GPC3: variants seen among roughly 807,000 people sequenced by gnomAD.
The protein encoded by GPC3 is glypican 3, also known as glypican-3.
Under a neutral mutation model 34.4 loss-of-function variants are expected in GPC3, and 3 were observed. The ratio of observed to expected loss-of-function variants is 0.09; its 90% CI spans 0.04 to 0.23. GPC3 has a LOEUF of 0.23. Ranked by LOEUF, GPC3 falls within the 10% of genes least tolerant of loss-of-function variation. The pLI is 1.00. For synonymous variants in GPC3, 177 were observed against 174.0 expected (o/e 1.02, Z -0.13); for missense variants, 351 against 445.6 (o/e 0.79, Z 1.91).
chrX:133,574,716 T>C (rs2069662391), intron 7 of GPC3, among the ~76,000 whole-genome samples: 1 of 112,519 alleles, frequency 8.9e-6, no homozygotes, highest in East Asian at 2.8e-4. Context: ...TCTGTTTATA[T>C]TTTTACAAAA....
At chrX:133,646,592 T>C (rs902214271) in intron 6 of GPC3, among the ~76,000 whole-genome samples, 2 of 112,000 alleles carry the variant, frequency 1.8e-5, no homozygotes, top group African/African-American at 6.5e-5. Context: ...AATACGCACA[T>C]GAATTGCTGT....
rs146779597 is a variant in GPC3 at position 133,968,954 on chromosome X, T to C, written c.176-15743A>G. On this transcript the variant is annotated intron_variant, in intron 1 of 7. Transcript: ENST00000370818. ...AATATAACAAGGCTATTAAAAACCC[T>C]AAATTAAATTTGTATAATGAGCATG... Among the ~76,000 whole-genome samples the C allele has an allele frequency of 1.4e-3, 154 of 111,096 alleles. 1 individual carries two copies. Among genetic ancestry groups the C allele is most frequent in the African/African-American group, 4.9e-3 (149 of 30,576 alleles).
chrX:133,681,516 C>A (rs1471082364), intron 5 of GPC3, among the ~76,000 whole-genome samples: 3 of 112,191 alleles, frequency 2.7e-5, no homozygotes, highest in African/African-American at 9.7e-5. Context: ...AGCTAAATTT[C>A]TTTCAAAGAA....
chrX:133,627,193 T>C (rs747387937), intron 6 of GPC3, among the ~76,000 whole-genome samples: 4 of 97,180 alleles, frequency 4.1e-5, no homozygotes, highest in South Asian at 1.3e-3. Flanking sequence ...AGGGATAGCA[T>C]TAGGAGATAT....
intron 2 of GPC3, among the ~76,000 whole-genome samples, chrX:133,778,147 T>C (rs1177753025): frequency 1.8e-5 from 2 of 112,032 alleles, no homozygotes; most frequent in Non-Finnish European, 3.8e-5. Flanking sequence ...GATTTATTAT[T>C]TCCCCCCCAA....
At chrX:133,763,497 A>G (rs1480059275) in intron 2 of GPC3, 7 of 546,598 alleles carry the variant, frequency 1.3e-5, no homozygotes, top group Non-Finnish European at 2.0e-5. Context: ...GGACTGCTCC[A>G]GCTCCTGAGT....
Position 133,784,809 on chromosome X carries a change from C to T in GPC3, c.338-30633G>A, listed in dbSNP as rs555769084. ...GTGCAACCATCACCACCATCTGATT[C>T]CAGAACATTTTCATCACTTCCAAAA... is the stretch of plus-strand genomic sequence containing the variant. On this transcript the variant is annotated intron_variant, in intron 2 of 7. Coordinates refer to ENST00000370818, the MANE Select transcript of GPC3 (RefSeq NM_004484.4). 7.2e-4 allele frequency among the ~76,000 whole-genome samples: 81 copies of T among 112,152 alleles called. 1 individual carries two copies. The South Asian group carries it at 0.03, about 41-fold the overall frequency.
At chrX:133,824,477 T>C in intron 2 of GPC3, among the ~76,000 whole-genome samples, 1 of 111,036 alleles carries the variant, frequency 9.0e-6, no homozygotes, top group Middle Eastern at 4.7e-3. Flanking sequence ...AATCAACAGG[T>C]ATAAAGTTAT....
At chrX:133,890,331 T>G (rs1214801356) in intron 2 of GPC3, among the ~76,000 whole-genome samples, 1 of 111,718 alleles carries the variant, frequency 9.0e-6, no homozygotes, top group African/African-American at 3.3e-5. Context: ...ATCCATTCTT[T>G]ATATATCATC....
At chrX:133,921,086 G>C (rs1017686691) in intron 2 of GPC3, among the ~76,000 whole-genome samples, 1 of 112,138 alleles carries the variant, frequency 8.9e-6, no homozygotes, top group Non-Finnish European at 1.9e-5. Flanking sequence ...CATTTAATCA[G>C]ATTTTCTTTT....
At chrX:133,574,850 C>A (rs946635371) in intron 7 of GPC3, among the ~76,000 whole-genome samples, 5 of 112,055 alleles carry the variant, frequency 4.5e-5, no homozygotes, top group Non-Finnish European at 9.4e-5. Context: ...CAGCGGAGCA[C>A]AATGGCATGG....
chrX:133,869,439 T>G (rs2075983922), intron 2 of GPC3, among the ~76,000 whole-genome samples: 1 of 111,851 alleles, frequency 8.9e-6, no homozygotes, highest in Admixed American at 9.5e-5. Flanking sequence ...TTCCTGTATC[T>G]TTCTTTAGCA....
chrX:133,797,581 C>G (rs1399880319), intron 2 of GPC3, among the ~76,000 whole-genome samples: 3 of 111,381 alleles, frequency 2.7e-5, no homozygotes, highest in Admixed American at 9.6e-5. Context: ...GTAATACCAG[C>G]AATTTTGGAG....
chrX:133,897,055 C>T (rs1380787786), intron 2 of GPC3, among the ~76,000 whole-genome samples: 1 of 108,664 alleles, frequency 9.2e-6, no homozygotes, highest in Non-Finnish European at 1.9e-5. Flanking sequence ...TACAGGCGCC[C>T]ACAACCACGC....
intron 2 of GPC3, among the ~76,000 whole-genome samples, chrX:133,795,207 A>G (rs1264036409): frequency 8.9e-6 from 1 of 112,832 alleles, no homozygotes; most frequent in Non-Finnish European, 1.9e-5. Flanking sequence ...GAAACAACTG[A>G]TATAATCGAA....
intron 2 of GPC3, among the ~76,000 whole-genome samples, chrX:133,837,728 C>T (rs1804829923): frequency 9.0e-6 from 1 of 111,729 alleles, no homozygotes; most frequent in Non-Finnish European, 1.9e-5. Context: ...AGTTCTGTAC[C>T]TTGCTTTCGT....
At chrX:133,979,082 T>C (rs2076527927) in intron 1 of GPC3, among the ~76,000 whole-genome samples, 2 of 112,479 alleles carry the variant, frequency 1.8e-5, no homozygotes, top group African/African-American at 6.5e-5. Flanking sequence ...AGCTTTCAGA[T>C]GGCTGGACGG....
At chrX:133,771,806 G>A (rs185680542) in intron 2 of GPC3, among the ~76,000 whole-genome samples, 278 of 112,185 alleles carry the variant, frequency 2.5e-3, no homozygotes, top group African/African-American at 8.4e-3. Flanking sequence ...TCTGGGCAGA[G>A]AGGGAAGAAG....
intron 5 of GPC3, among the ~76,000 whole-genome samples, chrX:133,685,519 G>C (rs1315306345): frequency 9.0e-6 from 1 of 111,088 alleles, no homozygotes; most frequent in East Asian, 2.8e-4. Context: ...AACATTGGAA[G>C]ACTTGTCTGG....
Sources: allele counts gnomAD v4.1 joint callset (sites outside exome capture counted in the v4.1 genomes callset), GRCh38; gene constraint gnomAD v4.1.1; transcripts MANE v1.5; gene names NCBI Gene and HGNC (gene_info 2026-07-23, HGNC 2026-07-21).